The following SLC39A9 variants were observed in gnomAD, a reference collection of about 807,000 sequenced individuals.
SLC39A9 encodes the protein zinc transporter ZIP9.
SLC39A9 carries 14 observed loss-of-function variants against 28.4 expected under a neutral mutation model. The observed-to-expected ratio is 0.49, with a 90% CI of 0.33 to 0.77. SLC39A9 has a LOEUF of 0.77. SLC39A9 is among the 30% of genes least tolerant of loss of function. The pLI, the probability that SLC39A9 is intolerant of heterozygous loss-of-function variation, is 0.02. For synonymous variants in SLC39A9, 119 were observed against 149.6 expected (o/e 0.80, Z 1.49); for missense variants, 283 against 381.1 (o/e 0.74, Z 2.14).
chr14:69,412,477 A>G (rs1883329837), intron 1 of SLC39A9, among the ~76,000 whole-genome samples: 1 of 152,276 alleles, frequency 6.6e-6, no homozygotes, highest in South Asian at 2.1e-4. Context: ...TCAATTCTGA[A>G]TCAACTAATC....
upstream of SLC39A9, chr14:69,398,588 CA>C: frequency 3.0e-6 from 1 of 328,974 alleles, no homozygotes; most frequent in African/African-American, 2.2e-5. Context: ...TAGCCCTACT[CA>C]AAAATGGCGG....
chr14:69,433,920 A>C (rs116462712), intron 2 of SLC39A9, among the ~76,000 whole-genome samples: 1,773 of 151,768 alleles, frequency 0.012, 36 homozygotes, highest in African/African-American at 0.039. Context: ...AAGTAGCTGA[A>C]ACTACAGGCA....
At position 69,458,603 on chromosome 14, in the gene SLC39A9, G is replaced by T; in HGVS notation, c.*10G>T. 6.3e-7 allele frequency: 1 copy of T among 1,597,218 alleles called. No homozygotes were observed. ...AGGACACCAGCATTAAATGTTCAAG[G>T]TCCAGCCTTGGTCCAGGGCCGTTTG... On this transcript the variant is annotated 3_prime_UTR_variant, in exon 7 of 7. Transcript: ENST00000336643.
chr14:69,458,704 A>C lies in SLC39A9; in HGVS notation c.*111A>C, dbSNP rs567479245. ...CTTGTCTCACCTTGCGCATCTCTACATGTATTCCTAGAGTCCAGAGGGGAG... is the reference window on the plus strand; with the variant it reads ...CTTGTCTCACCTTGCGCATCTCTACCTGTATTCCTAGAGTCCAGAGGGGAG... On this transcript the variant is annotated 3_prime_UTR_variant, in exon 7 of 7. Transcript: ENST00000336643. 4.2e-6 allele frequency: 6 copies of C among 1,439,684 alleles called. No individual in the cohort carries two copies. Among genetic ancestry groups the C allele is most frequent in the Non-Finnish European group, 5.5e-6 (6 of 1,097,696 alleles). The allele number at this position is 1,439,684 out of a possible 1,614,324, so 89.2% of individuals were successfully genotyped here.
In SLC39A9 at chr14:69,459,648, C is replaced by T; in HGVS notation, c.*1055C>T. The T allele has an allele frequency of 1.0e-6, 1 of 984,526 alleles. No individual in the cohort carries two copies. The highest frequency in any genetic ancestry group is 1.2e-6 in the Non-Finnish European group (1 of 829,634). 61.0% of individuals were successfully genotyped at this position (984,526 alleles called of 1,614,324 possible). On this transcript the variant is annotated 3_prime_UTR_variant, in exon 7 of 7. Coordinates refer to ENST00000336643, the MANE Select transcript of SLC39A9 (RefSeq NM_018375.5). ...CAGCTTTGGCGACACTGTGTCTTCT[C>T]ACATAACCACCTGTAGCAAGATGGA...
chr14:69,411,162 G>A (rs890776413), intron 1 of SLC39A9, among the ~76,000 whole-genome samples: 1 of 148,730 alleles, frequency 6.7e-6, no homozygotes, highest in African/African-American at 2.5e-5. Flanking sequence ...CAGTAAGCCA[G>A]GTTCACACCA....
intron 1 of SLC39A9, among the ~76,000 whole-genome samples, chr14:69,400,466 G>GT (rs1882571607): frequency 6.6e-6 from 1 of 152,170 alleles, no homozygotes; most frequent in Non-Finnish European, 1.5e-5. Flanking sequence ...AGTGCACAGC[G>GT]TTCAAAGATT....
At chr14:69,454,946 A>G (rs1010646735) in intron 5 of SLC39A9, 49 bp downstream of exon 5, 15 of 1,391,388 alleles carry the variant, frequency 1.1e-5, no homozygotes, top group South Asian at 2.5e-5. Context: ...ATTCATAATT[A>G]AAATTTCTCA....
chr14:69,407,616 A>G (rs1191653955), intron 1 of SLC39A9, among the ~76,000 whole-genome samples: 1 of 150,392 alleles, frequency 6.6e-6, no homozygotes, highest in African/African-American at 2.4e-5. Context: ...GGCGTGAGCC[A>G]CTGCGCCCGG....
Position 69,460,890 on chromosome 14 carries a change from A to G in SLC39A9, c.*2297A>G. 8.1e-6 allele frequency: 8 copies of G among 985,484 alleles called. No individual in the cohort carries two copies. The highest frequency in any genetic ancestry group is 9.6e-6 in the Non-Finnish European group (8 of 829,972). The allele number at this position is 985,484 out of a possible 1,614,324, so 61.0% of individuals were successfully genotyped here. On this transcript the variant is annotated 3_prime_UTR_variant, in exon 7 of 7. Transcript: ENST00000336643. ...ACAGAAATAGCCATACTAATCTCAT[A>G]GGGCTCAAATGCATCTTCAGGCAGC...
chr14:69,439,884 A>T (rs759416022), intron 2 of SLC39A9, among the ~76,000 whole-genome samples: 8 of 152,172 alleles, frequency 5.3e-5, no homozygotes, highest in Non-Finnish European at 8.8e-5. Flanking sequence ...GCAGAACTGT[A>T]AGCCAAATAA....
Position 69,399,432 on chromosome 14 carries a change from C to T in SLC39A9, c.63C>T (p.Ala21=). 1 of 1,613,970 alleles carries T rather than the reference C, an allele frequency of 6.2e-7. No individual in the cohort carries two copies. The highest frequency in any genetic ancestry group is 1.1e-5 in the South Asian group (1 of 91,050). ...CTATGTTGGTGGGATGTTACGTGGCCGGAATCATTCCCTTGGCTGTTAATT... is the reference window on the plus strand; with the variant it reads ...CTATGTTGGTGGGATGTTACGTGGCTGGAATCATTCCCTTGGCTGTTAATT... ...SLAMLVGCYV[A]GIIPLAVNFS... is the part of the protein sequence containing the mutation. The change falls in exon 1 of 7, where the codon GCC becomes GCT. Residue 21 remains alanine, a synonymous_variant. Transcript: ENST00000336643.
rs1379053613 is a variant in SLC39A9, at chr14:69,458,857, C to T, written c.*264C>T. On this transcript the variant is annotated 3_prime_UTR_variant, in exon 7 of 7. Transcript: ENST00000336643. ...TGACATTTTGCGTTTTAATATTTCT[C>T]TTAACCCTATTCTCAGGGAAGATGG... 8.3e-7 allele frequency: 1 copy of T among 1,202,918 alleles called. No individual in the cohort carries two copies. Among genetic ancestry groups the T allele is most frequent in the Non-Finnish European group, 1.0e-6 (1 of 966,708 alleles). The allele number at this position is 1,202,918 out of a possible 1,614,324, so 74.5% of individuals were successfully genotyped here.
At chr14:69,412,328 G>A (rs1292406516) in intron 1 of SLC39A9, among the ~76,000 whole-genome samples, 2 of 151,550 alleles carry the variant, frequency 1.3e-5, no homozygotes, top group African/African-American at 4.8e-5. Flanking sequence ...GGCGGAGCTT[G>A]CAGTGAGCCA....
At chr14:69,417,286 T>A (rs1213366029) in intron 1 of SLC39A9, among the ~76,000 whole-genome samples, 1 of 152,212 alleles carries the variant, frequency 6.6e-6, no homozygotes, top group Non-Finnish European at 1.5e-5. Context: ...GGTTTGTAGA[T>A]GTGTGGTGTT....
intron 4 of SLC39A9, 169 bp from the exon 5 acceptor site, chr14:69,454,643 A>G (rs2139454047): frequency 4.0e-6 from 2 of 505,308 alleles, no homozygotes; most frequent in East Asian, 6.1e-5. Context: ...AACCCTAAGA[A>G]ATACATACTT....
At chr14:69,440,619 CAGA>C (rs992230431) in intron 2 of SLC39A9, among the ~76,000 whole-genome samples, 1 of 152,134 alleles carries the variant, frequency 6.6e-6, no homozygotes, top group African/African-American at 2.4e-5. Context: ...GAGAAAGAAA[CAGA>C]AGAGTACATT....
At chr14:69,440,583 CAAAAAG>C (rs1260850782) in intron 2 of SLC39A9, among the ~76,000 whole-genome samples, 1 of 151,916 alleles carries the variant, frequency 6.6e-6, no homozygotes, top group East Asian at 1.9e-4. Flanking sequence ...ATACCTGTCT[CAAAAAG>C]AAAGAAAGAG....
In SLC39A9 at chr14:69,459,885, T is replaced by G. The variant is rs1043891742; in HGVS notation, c.*1292T>G. The G allele has an allele frequency of 1.1e-5, 11 of 985,208 alleles. No homozygotes were observed. In the African/African-American group the frequency reaches 1.9e-4, roughly 17 times the overall value. The allele number at this position is 985,208 out of a possible 1,614,324, so 61.0% of individuals were successfully genotyped here. A position where few individuals can be genotyped will look rare whatever the true frequency, so the allele number is the denominator to read the frequency against. On this transcript the variant is annotated 3_prime_UTR_variant, in exon 7 of 7. Coordinates refer to ENST00000336643, the MANE Select transcript of SLC39A9 (RefSeq NM_018375.5). ...TGTAATAATGAAGATAATAATATCT[T>G]TATTCTTTATCCCCCTTCAAAGAAA...
Sources: allele counts gnomAD v4.1 joint callset (sites outside exome capture counted in the v4.1 genomes callset), GRCh38; gene constraint gnomAD v4.1.1; transcripts MANE v1.5; gene names NCBI Gene and HGNC (gene_info 2026-07-23, HGNC 2026-07-21).